ITPR1: variants seen among roughly 807,000 people sequenced by gnomAD.
The protein encoded by ITPR1 is inositol 1,4,5-trisphosphate-gated calcium channel ITPR1.
Under a neutral mutation model 318.4 loss-of-function variants are expected in ITPR1, and 96 were observed. The observed-to-expected ratio is 0.30, with a 90% CI of 0.26 to 0.36. The LOEUF (loss-of-function observed/expected upper bound fraction) is 0.36. Ranked by LOEUF, ITPR1 falls within the 10% of genes least tolerant of loss-of-function variation. The pLI is 1.00. For synonymous variants in ITPR1, 1,312 were observed against 1,289.9 expected (o/e 1.02, Z -0.37); for missense variants, 2,440 against 3,460.2 (o/e 0.71, Z 7.40).
At chr3:4,833,858 C>T (rs529822849) in intron 60 of ITPR1, among the ~76,000 whole-genome samples, 8 of 152,274 alleles carry the variant, frequency 5.3e-5, no homozygotes, top group East Asian at 3.9e-4. Flanking sequence ...CTCTCTCTAC[C>T]GCTCCTAGAT....
chr3:4,831,104 TTGTC>T (rs2050454539), intron 60 of ITPR1: 9 of 368,864 alleles, frequency 2.4e-5, no homozygotes, highest in African/African-American at 2.0e-4. Context: ...CTGTCTGTCT[TTGTC>T]TCTCTCTCTC....
Position 4,741,530 on chromosome 3 carries a change from C to T in ITPR1, c.5544+6176C>T, listed in dbSNP as rs148463374. ...GAGAGTGATCCCTGGTTCATGAGGC[C>T]TTTCCTACACCACACTCTTTTTTTT... On this transcript the variant is annotated intron_variant, in intron 44 of 61. Coordinates refer to ENST00000649015, the MANE Select transcript of ITPR1 (RefSeq NM_001378452.1). Among the ~76,000 whole-genome samples, 6 of 138,988 alleles carry T rather than the reference C, an allele frequency of 4.3e-5. No homozygotes were observed. The East Asian group carries it at 1.1e-3, about 25-fold the overall frequency. 91.2% of individuals were successfully genotyped at this position (138,988 alleles called of 152,430 possible).
Position 4,676,745 on chromosome 3 carries a change from G to C in ITPR1, c.2911G>C (p.Glu971Gln). Reference protein sequence around the residue: ...PEGNVKQAEPEKEDIMVMDTK... With the variant: ...PEGNVKQAEPQKEDIMVMDTK... Reference sequence around the variant, plus strand: ...AGGCAATGTGAAGCAGGCAGAGCCTGAGAAGGAGGACATCATGGTCATGGA... The same window carrying C: ...AGGCAATGTGAAGCAGGCAGAGCCTCAGAAGGAGGACATCATGGTCATGGA... The change falls in exon 24 of 62, where the codon GAG becomes CAG. Residue 971 changes from glutamate (E) to glutamine (Q), a missense_variant. Physicochemically the swap from Glu to Gln is conservative, Grantham distance 29. Coordinates refer to ENST00000649015, the MANE Select transcript of ITPR1 (RefSeq NM_001378452.1). The C allele has an allele frequency of 1.2e-6, 2 of 1,613,786 alleles. No homozygotes were observed. Among genetic ancestry groups the C allele is most frequent in the Non-Finnish European group, 1.7e-6 (2 of 1,179,824 alleles).
chr3:4,578,034 T>G lies in ITPR1; in HGVS notation c.164-49729T>G, dbSNP rs550303270. ...CCAGCAACCAGTGCCAGTGAAACTG[T>G]GCATTCTATACTCATCTTGAAATAT... On this transcript the variant is annotated intron_variant, in intron 4 of 61. Transcript: ENST00000649015. 1.1e-4 allele frequency among the ~76,000 whole-genome samples: 17 copies of G among 152,352 alleles called. No individual in the cohort carries two copies. In the Middle Eastern group the frequency reaches 0.014, roughly 122 times the overall value.
chr3:4,517,815 T>A (rs1359095451), intron 3 of ITPR1, among the ~76,000 whole-genome samples: 2 of 152,196 alleles, frequency 1.3e-5, no homozygotes, highest in African/African-American at 4.8e-5. Context: ...CCTTCCTGTT[T>A]TCATCGTCTA....
chr3:4,754,440 C>G (rs1419013012), intron 44 of ITPR1, among the ~76,000 whole-genome samples: 1 of 152,176 alleles, frequency 6.6e-6, no homozygotes, highest in African/African-American at 2.4e-5. Context: ...GTCCTCCTGG[C>G]CACAGTTCCC....
At chr3:4,720,972 T>C (rs963623142) in intron 40 of ITPR1, among the ~76,000 whole-genome samples, 12 of 151,940 alleles carry the variant, frequency 7.9e-5, no homozygotes, top group Admixed American at 3.3e-4. Context: ...TCCTGGAATT[T>C]AGGCTCACTG....
At chr3:4,639,229 C>T in intron 5 of ITPR1, 155 bp from the exon 6 acceptor site, 1 of 602,564 alleles carries the variant, frequency 1.7e-6, no homozygotes, top group Non-Finnish European at 2.9e-6. Flanking sequence ...TGTTTGAACC[C>T]CTTGGCTCAT....
chr3:4,524,301 GTTTTTTTTTTTTTTTTT>G (rs56380229), intron 4 of ITPR1, among the ~76,000 whole-genome samples: 3 of 73,494 alleles, frequency 4.1e-5, no homozygotes, highest in African/African-American at 5.5e-5. Flanking sequence ...ATACTTTGAC[GTTTTTTTTTTTTTTTTT>G]TTTTTTTTTT....
At chr3:4,675,966 A>G (rs981165797) in intron 23 of ITPR1, among the ~76,000 whole-genome samples, 1 of 152,168 alleles carries the variant, frequency 6.6e-6, no homozygotes, top group African/African-American at 2.4e-5. Context: ...TGGTGCACCT[A>G]AGGTCAAGCA....
chr3:4,746,469 A>C (rs1166379932), intron 44 of ITPR1, among the ~76,000 whole-genome samples: 2 of 152,164 alleles, frequency 1.3e-5, no homozygotes, highest in Admixed American at 6.5e-5. Context: ...ACGTGCCCTC[A>C]TTCCCTTTGG....
rs746090122 is a variant in ITPR1, at chr3:4,693,748, G to A, written c.4281+7G>A. The A allele has an allele frequency of 5.0e-6, 8 of 1,606,958 alleles. No homozygotes were observed. In the South Asian group the frequency reaches 6.6e-5, roughly 13 times the overall value. On this transcript the variant is annotated splice_region_variant and intron_variant, in intron 33 of 61. Coordinates refer to ENST00000649015, the MANE Select transcript of ITPR1 (RefSeq NM_001378452.1). Reference sequence around the variant, plus strand: ...CGAGGACTGCATCCCTGAGGTGAGCGAGCCCAGCCTGGCTGTGCCCTTCTC... The same window carrying A: ...CGAGGACTGCATCCCTGAGGTGAGCAAGCCCAGCCTGGCTGTGCCCTTCTC...
At chr3:4,739,831 C>T (rs902937160) in intron 44 of ITPR1, among the ~76,000 whole-genome samples, 5 of 152,160 alleles carry the variant, frequency 3.3e-5, no homozygotes, top group East Asian at 1.9e-4. Context: ...GAACAGCTTA[C>T]GTGGTCACTC....
chr3:4,515,515 T>G (rs760066613), intron 2 of ITPR1, among the ~76,000 whole-genome samples: 53 of 152,202 alleles, frequency 3.5e-4, no homozygotes, highest in Non-Finnish European at 6.2e-4. Context: ...TTAGCTGCAG[T>G]CCACACCAGC....
chr3:4,678,769 G>A (rs980137595), intron 24 of ITPR1, among the ~76,000 whole-genome samples: 17 of 152,260 alleles, frequency 1.1e-4, no homozygotes, highest in African/African-American at 2.6e-4. Flanking sequence ...ACAAGGGCCC[G>A]TTCTCAGGTG....
At chr3:4,673,419 A>T in intron 21 of ITPR1, 32 bp downstream of exon 21, 1 of 1,572,084 alleles carries the variant, frequency 6.4e-7, no homozygotes, top group East Asian at 2.3e-5. Flanking sequence ...CTCACTTTAC[A>T]TTATTCTGTG....
chr3:4,820,350 G>C (rs1022681299), intron 60 of ITPR1, among the ~76,000 whole-genome samples: 13 of 152,172 alleles, frequency 8.5e-5, no homozygotes, highest in African/African-American at 3.1e-4. Context: ...AAGTGTTTGA[G>C]TGGGTCCTAT....
chr3:4,769,312 G>A (rs2046033608), intron 46 of ITPR1, among the ~76,000 whole-genome samples: 1 of 152,176 alleles, frequency 6.6e-6, no homozygotes, highest in Admixed American at 6.5e-5. Flanking sequence ...ATAGGTGCCT[G>A]CCCCATATAT....
intron 44 of ITPR1, among the ~76,000 whole-genome samples, chr3:4,758,866 C>G (rs1962325): frequency 0.55 from 84,010 of 152,056 alleles, 25,222 homozygotes; most frequent in Non-Finnish European, 0.69. Flanking sequence ...GAGGGTCTTA[C>G]CATCTGCCAT....
Sources: allele counts gnomAD v4.1 joint callset (sites outside exome capture counted in the v4.1 genomes callset), GRCh38; gene constraint gnomAD v4.1.1; transcripts MANE v1.5; gene names NCBI Gene and HGNC (gene_info 2026-07-23, HGNC 2026-07-21).